Variants in CREBRF observed in about 807,000 individuals in gnomAD.
CREBRF encodes CREB3 regulatory factor.
A neutral mutation model predicts 66.1 loss-of-function variants in CREBRF; 5 were observed. The ratio of observed to expected loss-of-function variants is 0.08; its 90% confidence interval spans 0.04 to 0.16. The LOEUF is 0.16. Among genes scored for constraint, CREBRF ranks in the 10% least tolerant of loss-of-function variants. The pLI is 1.00. For missense variants in CREBRF, 531 were observed against 744.9 expected, an observed-to-expected ratio of 0.71 and a Z score of 3.34; for synonymous variants, 229 against 264.4, an observed-to-expected ratio of 0.87 and a Z score of 1.30.
chr5:173,063,941 T>C (rs1418228843), intron 1 of CREBRF, among the ~76,000 whole-genome samples: 1 of 151,822 alleles, frequency 6.6e-6, no homozygotes, highest in Non-Finnish European at 1.5e-5. Context: ...AGGCTGGTCT[T>C]GAACTCCTGA....
In CREBRF at chr5:173,123,069, C is replaced by T. The variant is rs369648703; in HGVS notation, c.1682-11C>T. On this transcript the variant is annotated splice_polypyrimidine_tract_variant and intron_variant, in intron 7 of 8. Coordinates refer to ENST00000296953, the MANE Select transcript of CREBRF (RefSeq NM_153607.3). ...AGTGACATATTCCAAGTGTTTTGTT[C>T]TGTCTTACAGATAATTTATTGTTTG... 2.4e-5 allele frequency: 37 copies of T among 1,568,524 alleles called. No homozygotes were observed. In the African/African-American group the frequency reaches 3.2e-4, roughly 14 times the overall value.
In CREBRF at chr5:173,110,589, C is replaced by T; in HGVS notation, c.1485C>T (p.Leu495=). The part of the protein sequence containing the change: ...VEDLTPNPKK[L]LQIGNELRKL... ...ACCTGACTCCAAATCCTAAAAAACT[C>T]CTCCAGATAGGCAATGAACTTCGGA... The change falls in exon 6 of 9, where the codon CTC becomes CTT. Residue 495 remains leucine, a synonymous_variant. Coordinates refer to ENST00000296953, the MANE Select transcript of CREBRF (RefSeq NM_153607.3). 6.2e-7 allele frequency: 1 copy of T among 1,613,954 alleles called. No homozygotes were observed. The highest frequency in any genetic ancestry group is 1.1e-5 in the South Asian group (1 of 91,064).
chr5:173,094,429 A>G (rs1758425286), intron 4 of CREBRF, among the ~76,000 whole-genome samples: 1 of 152,082 alleles, frequency 6.6e-6, no homozygotes. Context: ...TCTTTTTTCC[A>G]CATCCTCAAT....
intron 1 of CREBRF, among the ~76,000 whole-genome samples, chr5:173,075,381 A>C (rs891358746): frequency 6.6e-6 from 1 of 152,192 alleles, no homozygotes; most frequent in Non-Finnish European, 1.5e-5. Context: ...TTGCATAGGC[A>C]ACCTCTGCTG....
intron 8 of CREBRF, among the ~76,000 whole-genome samples, chr5:173,129,961 G>T (rs1469207866): frequency 3.3e-5 from 5 of 152,036 alleles, no homozygotes; most frequent in Non-Finnish European, 2.9e-5. Context: ...GAGTAGCTGG[G>T]ATTACAGGCA....
intron 4 of CREBRF, among the ~76,000 whole-genome samples, chr5:173,098,877 A>G (rs1005402163): frequency 1.8e-4 from 26 of 141,750 alleles, no homozygotes; most frequent in Non-Finnish European, 3.6e-4. Context: ...TTATTTTTTT[A>G]CTTTTTTTTT....
At chr5:173,123,270 A>G in intron 8 of CREBRF, 68 bp downstream of exon 8, 1 of 1,472,796 alleles carries the variant, frequency 6.8e-7, no homozygotes, top group Non-Finnish European at 9.1e-7. Context: ...TTAAGGGGAT[A>G]TTAAAAGTTC....
At chr5:173,104,031 T>C (rs1259812133) in intron 4 of CREBRF, among the ~76,000 whole-genome samples, 1 of 152,216 alleles carries the variant, frequency 6.6e-6, no homozygotes, top group Non-Finnish European at 1.5e-5. Context: ...TAAAAAATTT[T>C]GAGTGCCTAC....
chr5:173,073,134 T>C (rs1378797628), intron 1 of CREBRF, among the ~76,000 whole-genome samples: 1 of 152,234 alleles, frequency 6.6e-6, no homozygotes, highest in Non-Finnish European at 1.5e-5. Flanking sequence ...GTTCAAAATG[T>C]AGATTTGCGA....
At chr5:173,098,379 G>A (rs1007168422) in intron 4 of CREBRF, among the ~76,000 whole-genome samples, 5 of 151,838 alleles carry the variant, frequency 3.3e-5, no homozygotes, top group African/African-American at 4.8e-5. Context: ...AGTAGAGATG[G>A]GGTTTCATTG....
At chr5:173,084,597 G>A (rs1228719460) in intron 2 of CREBRF, among the ~76,000 whole-genome samples, 3 of 151,932 alleles carry the variant, frequency 2.0e-5, no homozygotes, top group East Asian at 1.9e-4. Context: ...GGGTAGGTAC[G>A]CGGCATTTGT....
chr5:173,080,857 T>G (rs879094182), intron 2 of CREBRF, 73 bp downstream of exon 2: 1 of 1,436,338 alleles, frequency 7.0e-7, no homozygotes, highest in South Asian at 1.2e-5. Flanking sequence ...GACTCTTAAA[T>G]GAATCTTAAC....
intron 8 of CREBRF, among the ~76,000 whole-genome samples, chr5:173,132,085 CTTTTTTT>C (rs34701764): frequency 3.2e-5 from 4 of 124,554 alleles, no homozygotes; most frequent in African/African-American, 5.9e-5. Flanking sequence ...AAATATATTT[CTTTTTTT>C]TTTTTTTTTT....
intron 1 of CREBRF, among the ~76,000 whole-genome samples, chr5:173,057,056 C>G (rs532409278): frequency 6.7e-6 from 1 of 149,408 alleles, no homozygotes; most frequent in Non-Finnish European, 1.5e-5. Flanking sequence ...GCCGCTCCCC[C>G]TTCTGTCCCC....
chr5:173,084,937 G>A (rs762927162), intron 2 of CREBRF, among the ~76,000 whole-genome samples: 1 of 149,090 alleles, frequency 6.7e-6, no homozygotes, highest in African/African-American at 2.5e-5. Flanking sequence ...GAGCCACTGC[G>A]CCTGGCCTAT....
At chr5:173,067,183 G>A (rs1757459781) in intron 1 of CREBRF, among the ~76,000 whole-genome samples, 1 of 152,124 alleles carries the variant, frequency 6.6e-6, no homozygotes, top group Non-Finnish European at 1.5e-5. Flanking sequence ...TTATCAGTGG[G>A]TAGACATTTG....
intron 1 of CREBRF, 133 bp downstream of exon 1, chr5:173,056,612 G>A (rs1283799032): frequency 7.7e-6 from 3 of 388,886 alleles, no homozygotes; most frequent in Non-Finnish European, 1.4e-5. Context: ...CGGGGCGGGG[G>A]CCGGGACCAC....
chr5:173,117,573 C>CCCTT (rs1759024787), intron 7 of CREBRF, among the ~76,000 whole-genome samples: 1 of 53,354 alleles, frequency 1.9e-5, no homozygotes, highest in Non-Finnish European at 4.4e-5. Context: ...CTCCCTCCCT[C>CCCTT]CCTCCCTCCT....
At position 173,132,863 on chromosome 5, in the gene CREBRF, A is replaced by ACCTCAGGTGATCCGCCC. The variant is rs1561586227; in HGVS notation, c.1805-767_1805-766insCCTCAGGTGATCCGCCC. Reference sequence around the variant, plus strand: ...ATCTGCCGACCTCAGGTGATCCGCCAACCTCAGGTGATCCGCCTGCCTCAG... The same window carrying ACCTCAGGTGATCCGCCC: ...ATCTGCCGACCTCAGGTGATCCGCCACCTCAGGTGATCCGCCCACCTCAGGTGATCCGCCTGCCTCAG... On this transcript the variant is annotated intron_variant, in intron 8 of 8. Transcript: ENST00000296953. Among the ~76,000 whole-genome samples the ACCTCAGGTGATCCGCCC allele has an allele frequency of 5.3e-5, 8 of 150,024 alleles. No homozygotes were observed. The East Asian group carries it at 1.6e-3, about 31-fold the overall frequency.
Sources: allele counts gnomAD v4.1 joint callset (sites outside exome capture counted in the v4.1 genomes callset), GRCh38; gene constraint gnomAD v4.1.1; transcripts MANE v1.5; gene names NCBI Gene and HGNC (gene_info 2026-07-23, HGNC 2026-07-21).